The following MAP3K5 variants were observed in gnomAD, a reference collection of about 807,000 sequenced individuals.
The protein encoded by MAP3K5 is ASK-1.
Under a neutral mutation model 158.7 loss-of-function variants are expected in MAP3K5, and 56 were observed. That is an observed-to-expected ratio of 0.35 (90% CI 0.28 to 0.44). The LOEUF is 0.44. MAP3K5 is among the 20% of genes least tolerant of loss of function. The pLI, the probability that MAP3K5 is intolerant of heterozygous loss-of-function variation, is 1.00. For missense variants in MAP3K5, 1,294 were observed against 1,674.8 expected (o/e 0.77, Z 3.97); for synonymous variants, 579 against 601.7 (o/e 0.96, Z 0.55).
In MAP3K5 at chr6:136,562,561, T is replaced by C. The variant is rs1307950697; in HGVS notation, c.3816A>G (p.Arg1272=). Residue 1272 remains arginine, a synonymous_variant, in exon 27 of 30, where the codon CGA becomes CGG. Transcript: ENST00000359015. The part of the protein sequence containing the change: ...KEKELQALLH[R]AIEEKDQEIK... ...TTTCTTGGTCTTTTTCTTCAATAGC[T>C]CGATGAAGGAGTGCTTGTAATTCTT... The C allele has an allele frequency of 1.2e-6, 2 of 1,604,896 alleles. No individual in the cohort carries two copies. Among genetic ancestry groups the C allele is most frequent in the African/African-American group, 1.4e-5 (1 of 74,026 alleles).
chr6:136,679,950 C>T (rs1359815331), intron 7 of MAP3K5, among the ~76,000 whole-genome samples: 1 of 151,946 alleles, frequency 6.6e-6, no homozygotes, highest in Admixed American at 6.6e-5. Flanking sequence ...TATATACATA[C>T]AACACAATTA....
intron 10 of MAP3K5, among the ~76,000 whole-genome samples, chr6:136,651,607 T>C (rs1030624036): frequency 1.3e-5 from 2 of 152,162 alleles, no homozygotes; most frequent in Admixed American, 1.3e-4. Flanking sequence ...GAGTTTTATA[T>C]ACAAACCAAA....
At chr6:136,711,140 A>G (rs1211223979) in intron 2 of MAP3K5, among the ~76,000 whole-genome samples, 1 of 152,152 alleles carries the variant, frequency 6.6e-6, no homozygotes, top group East Asian at 1.9e-4. Flanking sequence ...TTTTGTGTTT[A>G]CATGTTATGC....
At chr6:136,612,569 T>C (rs1005554900) in intron 17 of MAP3K5, among the ~76,000 whole-genome samples, 4 of 152,232 alleles carry the variant, frequency 2.6e-5, no homozygotes, top group Non-Finnish European at 5.9e-5. Flanking sequence ...GTCCAGACTT[T>C]GTAAAAAATG....
At chr6:136,720,655 G>T in intron 1 of MAP3K5, 66 bp from the exon 2 acceptor site, 1 of 1,251,286 alleles carries the variant, frequency 8.0e-7, no homozygotes, top group Non-Finnish European at 1.1e-6. Context: ...GCACATTTTG[G>T]TTTGAATTAT....
chr6:136,613,235 C>T lies in MAP3K5; in HGVS notation c.2300G>A (p.Arg767His), dbSNP rs114243010. 4.5e-5 allele frequency: 73 copies of T among 1,612,492 alleles called. No homozygotes were observed. The highest frequency in any genetic ancestry group is 3.6e-4 in the South Asian group (33 of 90,800). Reference protein sequence around the residue: ...VPGGSLSALLRSKWGPLKDNE... With the variant: ...VPGGSLSALLHSKWGPLKDNE... The stretch of plus-strand genomic sequence containing the variant: ...GTCTTTTAATGGACCCCATTTGGAA[C>T]GAAGGAGAGCAGAAAGACTTCCTGT... The change falls in exon 17 of 30, where the codon CGT (arginine) becomes CAT (histidine). Residue 767 changes from arginine to histidine, a missense_variant. Coordinates refer to ENST00000359015, the MANE Select transcript of MAP3K5 (RefSeq NM_005923.4). The surrounding 1 kb of genome is among the most constrained non-coding windows in gnomAD (Gnocchi z 4.0).
At chr6:136,712,040 C>A (rs182485640) in intron 2 of MAP3K5, among the ~76,000 whole-genome samples, 4 of 152,170 alleles carry the variant, frequency 2.6e-5, no homozygotes, top group African/African-American at 9.6e-5. Context: ...TCTAGCCTCT[C>A]TTTTCCCTAT....
At chr6:136,646,841 A>C (rs546830816) in intron 11 of MAP3K5, among the ~76,000 whole-genome samples, 1 of 152,256 alleles carries the variant, frequency 6.6e-6, no homozygotes. Flanking sequence ...AGACAGTTAT[A>C]TTGATTATTC....
chr6:136,779,442 C>A (rs79736077), intron 1 of MAP3K5, among the ~76,000 whole-genome samples: 1,158 of 100,648 alleles, frequency 0.012, no homozygotes, highest in African/African-American at 0.013. Flanking sequence ...CACCCTGTCT[C>A]AAAAAAAAAA....
At chr6:136,767,056 A>G (rs1783996025) in intron 1 of MAP3K5, among the ~76,000 whole-genome samples, 1 of 152,216 alleles carries the variant, frequency 6.6e-6, no homozygotes, top group Non-Finnish European at 1.5e-5. Flanking sequence ...GTTCTATTTC[A>G]TATATGTATA....
chr6:136,614,385 C>G, intron 15 of MAP3K5, 99 bp from the exon 16 acceptor site: 1 of 1,379,992 alleles, frequency 7.2e-7, no homozygotes, highest in Non-Finnish European at 9.9e-7. Flanking sequence ...AATATATGTC[C>G]ATATGTAAAA....
At chr6:136,661,811 G>A (rs1376838629) in intron 8 of MAP3K5, among the ~76,000 whole-genome samples, 1 of 152,130 alleles carries the variant, frequency 6.6e-6, no homozygotes, top group Non-Finnish European at 1.5e-5. Flanking sequence ...AAAGTTCTGG[G>A]ATTACAGGCA....
chr6:136,681,721 C>T (rs1779942678), intron 7 of MAP3K5, among the ~76,000 whole-genome samples: 1 of 152,128 alleles, frequency 6.6e-6, no homozygotes, highest in Non-Finnish European at 1.5e-5. Context: ...TCGAGGCCAT[C>T]CTGGCTAACA....
chr6:136,683,199 G>A (rs908481250), intron 7 of MAP3K5, among the ~76,000 whole-genome samples: 4 of 152,118 alleles, frequency 2.6e-5, no homozygotes, highest in Admixed American at 6.5e-5. Context: ...AGTCTAAACC[G>A]GTTGTAATAA....
intron 3 of MAP3K5, among the ~76,000 whole-genome samples, chr6:136,699,034 G>A (rs1383956033): frequency 2.6e-5 from 4 of 152,118 alleles, no homozygotes; most frequent in African/African-American, 4.8e-5. Flanking sequence ...GTCACAGGGC[G>A]CAGCATACAC....
intron 1 of MAP3K5, among the ~76,000 whole-genome samples, chr6:136,744,596 C>T (rs543970637): frequency 1.2e-4 from 19 of 152,224 alleles, no homozygotes; most frequent in African/African-American, 4.6e-4. Flanking sequence ...GTAGAACTTC[C>T]AACCCCATGC....
chr6:136,751,881 T>C (rs1214192712), intron 1 of MAP3K5, among the ~76,000 whole-genome samples: 1 of 152,210 alleles, frequency 6.6e-6, no homozygotes, highest in Non-Finnish European at 1.5e-5. Context: ...CCTTGAGACA[T>C]AGGTGAACTT....
chr6:136,668,282 G>C (rs1217084013), intron 8 of MAP3K5, among the ~76,000 whole-genome samples: 4 of 152,048 alleles, frequency 2.6e-5, no homozygotes, highest in African/African-American at 9.7e-5. Context: ...TTCTTAGGAG[G>C]CCAAAGTGGG....
At chr6:136,660,726 G>A (rs1284045210) in intron 8 of MAP3K5, among the ~76,000 whole-genome samples, 2 of 152,158 alleles carry the variant, frequency 1.3e-5, no homozygotes, top group Admixed American at 6.5e-5. Flanking sequence ...AGGCAAAAAG[G>A]TAGGATATAT....
Sources: allele counts gnomAD v4.1 joint callset (sites outside exome capture counted in the v4.1 genomes callset), GRCh38; gene constraint gnomAD v4.1.1; non-coding constraint Gnocchi (gnomAD v3.1); transcripts MANE v1.5; gene names NCBI Gene and HGNC (gene_info 2026-07-23, HGNC 2026-07-21).